The following DPP4 variants were observed in gnomAD, a reference collection of about 807,000 sequenced individuals.
The protein encoded by DPP4 is ADCP-2.
In DPP4, 93 loss-of-function variants were observed where a neutral mutation model predicts 122.4. The ratio of observed to expected loss-of-function variants is 0.76; its 90% CI spans 0.64 to 0.90. The LOEUF (loss-of-function observed/expected upper bound fraction) is 0.90. DPP4 is among the 40% of genes least tolerant of loss of function. The pLI, the probability that DPP4 is intolerant of heterozygous loss-of-function variation, is 0.00. For synonymous variants in DPP4, 321 were observed against 302.9 expected, an observed-to-expected ratio of 1.06 and a Z score of -0.62; for missense variants, 914 against 907.3, an observed-to-expected ratio of 1.01 and a Z score of -0.09.
chr2:162,018,797 G>A lies in DPP4; in HGVS notation c.1352C>T (p.Pro451Leu), dbSNP rs1264451958. The stretch of plus-strand genomic sequence containing the variant: ...CACAGAATAGTACTGACACCTTTCC[G>A]GATTCAGCTCACAACTGAGGCATGT... The part of the protein sequence containing the change: ...KVTCLSCELN[P>L]ERCQYYSVSF... The change falls in exon 16 of 26, where the codon CCG becomes CTG. Residue 451 changes from proline (P) to leucine (L), a missense_variant. Pro to Leu is a moderately conservative substitution (Grantham distance 98). Transcript: ENST00000360534. 5.0e-6 allele frequency: 8 copies of A among 1,614,088 alleles called. No individual in the cohort carries two copies. Among genetic ancestry groups the A allele is most frequent in the East Asian group, 4.5e-5 (2 of 44,870 alleles).
chr2:162,018,697 A>G, intron 16 of DPP4, 32 bp downstream of exon 16: 1 of 1,606,726 alleles, frequency 6.2e-7, no homozygotes, highest in Non-Finnish European at 8.5e-7. Flanking sequence ...AACAGCGGCG[A>G]CTGCCCTCCC....
chr2:162,063,460 T>C (rs1359121842), intron 2 of DPP4, among the ~76,000 whole-genome samples: 1 of 151,590 alleles, frequency 6.6e-6, no homozygotes, highest in Non-Finnish European at 1.5e-5. Flanking sequence ...AGCCCCAGAG[T>C]AGTCCAAGGT....
intron 5 of DPP4, among the ~76,000 whole-genome samples, chr2:162,041,565 C>T (rs568755698): frequency 3.9e-5 from 6 of 152,240 alleles, no homozygotes; most frequent in South Asian, 2.1e-4. Context: ...TTCTACTTTT[C>T]GGGAGTCATA....
intron 19 of DPP4, 60 bp downstream of exon 19, chr2:162,014,336 A>C (rs1682829538): frequency 1.4e-6 from 2 of 1,400,866 alleles, no homozygotes; most frequent in South Asian, 2.4e-5. Context: ...AGTAAGCTGC[A>C]CTGAGAAAAA....
chr2:162,000,286 A>G (rs979154681), intron 23 of DPP4, among the ~76,000 whole-genome samples: 2 of 152,132 alleles, frequency 1.3e-5, no homozygotes, highest in Non-Finnish European at 2.9e-5. Context: ...GCCACAGAAA[A>G]TGTTTAAGAA....
chr2:162,069,767 C>G (rs981237493), intron 2 of DPP4, among the ~76,000 whole-genome samples: 1 of 152,180 alleles, frequency 6.6e-6, no homozygotes, highest in African/African-American at 2.4e-5. Flanking sequence ...AGGCAAACCT[C>G]ATAGATGCTA....
rs1204274632 is a variant in DPP4 at position 162,018,894 on chromosome 2, A to T, written c.1299-44T>A. 4 of 1,610,530 alleles carry T rather than the reference A, an allele frequency of 2.5e-6. No individual in the cohort carries two copies. The South Asian group carries it at 4.4e-5, about 18-fold the overall frequency. On this transcript the variant is annotated intron_variant, in intron 15 of 25. Coordinates refer to ENST00000360534, the MANE Select transcript of DPP4 (RefSeq NM_001935.4). ...AAATTAAGTGCTTGAAGAAAAGATA[A>T]GTGAGAGGAAGGAACTGAATAAAGC...
intron 2 of DPP4, among the ~76,000 whole-genome samples, chr2:162,057,965 G>A (rs139157377): frequency 1.3e-5 from 2 of 152,060 alleles, no homozygotes; most frequent in African/African-American, 2.4e-5. Flanking sequence ...TAGGGACGGG[G>A]TTTCACCATG....
intron 10 of DPP4, among the ~76,000 whole-genome samples, chr2:162,030,052 T>A (rs1287175922): frequency 6.6e-6 from 1 of 152,226 alleles, no homozygotes; most frequent in African/African-American, 2.4e-5. Flanking sequence ...ACACTGGAGA[T>A]ACGATTGCAG....
chr2:162,065,849 G>A (rs887085778), intron 2 of DPP4, among the ~76,000 whole-genome samples: 4 of 152,152 alleles, frequency 2.6e-5, no homozygotes, highest in Non-Finnish European at 5.9e-5. Flanking sequence ...ATGTTTATGT[G>A]TCTTTTAATG....
chr2:162,052,237 G>C (rs552979592), intron 2 of DPP4, among the ~76,000 whole-genome samples: 52 of 146,510 alleles, frequency 3.5e-4, no homozygotes, highest in African/African-American at 1.2e-3. Context: ...AAAATTGCTT[G>C]AACCCAGGAG....
At chr2:162,071,073 C>T (rs1685098077) in intron 2 of DPP4, among the ~76,000 whole-genome samples, 1 of 152,174 alleles carries the variant, frequency 6.6e-6, no homozygotes, top group South Asian at 2.1e-4. Context: ...CTTCCCCCTC[C>T]AGTGTTGCTC....
At chr2:162,042,934 A>G (rs1305614580) in intron 5 of DPP4, among the ~76,000 whole-genome samples, 2 of 152,220 alleles carry the variant, frequency 1.3e-5, no homozygotes, top group Non-Finnish European at 2.9e-5. Flanking sequence ...GCAGGGGACA[A>G]TGTTTGACAA....
intron 23 of DPP4, among the ~76,000 whole-genome samples, chr2:161,997,260 CT>C (rs1021890800): frequency 9.2e-5 from 14 of 152,052 alleles, no homozygotes; most frequent in South Asian, 4.1e-4. Flanking sequence ...TTTTGAGAAA[CT>C]TTTTTTGTCT....
Position 162,045,727 on chromosome 2 carries a change from C to G in DPP4, c.286-115G>C, listed in dbSNP as rs186598274. On this transcript the variant is annotated intron_variant, in intron 4 of 25. Transcript: ENST00000360534. ...CATGTGGCTTGTGCTTTGGGAAGTC[C>G]TAATCTAGCAGAGGTGGCATATTCA... is the stretch of plus-strand genomic sequence containing the variant. 3.0e-4 allele frequency: 211 copies of G among 708,342 alleles called. No homozygotes were observed. In the African/African-American group the frequency reaches 3.7e-3, roughly 12 times the overall value. 43.9% of individuals were successfully genotyped at this position (708,342 alleles called of 1,614,324 possible). A position where few individuals can be genotyped will look rare whatever the true frequency, so the allele number is the denominator to read the frequency against.
At chr2:162,053,342 G>A (rs1375671488) in intron 2 of DPP4, among the ~76,000 whole-genome samples, 1 of 152,116 alleles carries the variant, frequency 6.6e-6, no homozygotes, top group African/African-American at 2.4e-5. Context: ...GGCCAGGGGT[G>A]TCCAATGTTT....
chr2:162,016,914 G>T (rs1398753060), intron 17 of DPP4, 48 bp from the exon 18 acceptor site: 1 of 1,556,934 alleles, frequency 6.4e-7, no homozygotes, highest in East Asian at 2.2e-5. Context: ...TGTGAAAAAT[G>T]TGGATTATGT....
At chr2:162,050,894 G>A (rs1684359713) in intron 2 of DPP4, among the ~76,000 whole-genome samples, 1 of 152,196 alleles carries the variant, frequency 6.6e-6, no homozygotes, top group Admixed American at 6.5e-5. Flanking sequence ...ACAGGGCACT[G>A]CTGCGGCAGC....
intron 18 of DPP4, among the ~76,000 whole-genome samples, chr2:162,014,725 G>T (rs916216243): frequency 1.3e-5 from 2 of 152,110 alleles, no homozygotes; most frequent in African/African-American, 2.4e-5. Flanking sequence ...TAACATAAAA[G>T]TGCATCTTAG....
Sources: allele counts gnomAD v4.1 joint callset (sites outside exome capture counted in the v4.1 genomes callset), GRCh38; gene constraint gnomAD v4.1.1; transcripts MANE v1.5; gene names NCBI Gene and HGNC (gene_info 2026-07-23, HGNC 2026-07-21).